The following ETV5 variants were observed in gnomAD, a reference collection of about 807,000 sequenced individuals.
The protein encoded by ETV5 is ETS variant transcription factor 5.
ETV5 carries 10 observed loss-of-function variants against 70.0 expected under a neutral mutation model. That is an observed-to-expected ratio of 0.14 (90% CI 0.09 to 0.24). The LOEUF (loss-of-function observed/expected upper bound fraction) is 0.24. ETV5 is among the 10% of genes least tolerant of loss of function. The pLI is 1.00. For missense variants in ETV5, 453 were observed against 651.2 expected (o/e 0.70, Z 3.31); for synonymous variants, 216 against 242.2 (o/e 0.89, Z 1.01).
chr3:186,103,339 A>G (rs554831930), intron 5 of ETV5, among the ~76,000 whole-genome samples: 4 of 152,292 alleles, frequency 2.6e-5, no homozygotes, highest in Non-Finnish European at 4.4e-5. Flanking sequence ...CCACAGATAA[A>G]TATCTCTCCA....
chr3:186,070,314 C>G (rs1417978641), intron 7 of ETV5, among the ~76,000 whole-genome samples: 1 of 152,236 alleles, frequency 6.6e-6, no homozygotes, highest in Non-Finnish European at 1.5e-5. Flanking sequence ...GCCTCTGCAG[C>G]TGGCAGGCTG....
intron 7 of ETV5, among the ~76,000 whole-genome samples, chr3:186,075,589 A>C (rs763879694): frequency 2.0e-5 from 3 of 152,222 alleles, no homozygotes; most frequent in Non-Finnish European, 2.9e-5. Flanking sequence ...AATCCTCAAT[A>C]ATAACCACCG....
At chr3:186,074,112 GA>G (rs535991849) in intron 7 of ETV5, among the ~76,000 whole-genome samples, 4 of 148,638 alleles carry the variant, frequency 2.7e-5, no homozygotes, top group African/African-American at 4.9e-5. Context: ...CAAGACTAAG[GA>G]AAAAAAAAGG....
At chr3:186,108,772 C>T in intron 1 of ETV5, 168 bp downstream of exon 1, 2 of 620,278 alleles carry the variant, frequency 3.2e-6, no homozygotes, top group South Asian at 2.3e-5. Flanking sequence ...CAAACCGGAC[C>T]GGGCCGCGGG....
chr3:186,084,584 G>A (rs1714012355), intron 5 of ETV5, among the ~76,000 whole-genome samples: 1 of 152,170 alleles, frequency 6.6e-6, no homozygotes, highest in Admixed American at 6.5e-5. Context: ...GCATAACTTA[G>A]TGAGGCATCT....
At chr3:186,064,590 A>T (rs532201152) in intron 8 of ETV5, 114 bp from the exon 9 acceptor site, 2 of 1,028,158 alleles carry the variant, frequency 1.9e-6, no homozygotes, top group South Asian at 1.3e-5. Context: ...CTCTGGGGTC[A>T]TGTCTTTCTG....
At chr3:186,085,468 T>C (rs942834075) in intron 5 of ETV5, among the ~76,000 whole-genome samples, 3 of 151,848 alleles carry the variant, frequency 2.0e-5, no homozygotes, top group African/African-American at 7.3e-5. Flanking sequence ...TTCACCTCCA[T>C]TGTCACAAGC....
chr3:186,053,198 C>T (rs1257871989), intron 11 of ETV5, among the ~76,000 whole-genome samples: 2 of 152,112 alleles, frequency 1.3e-5, no homozygotes, highest in Non-Finnish European at 2.9e-5. Flanking sequence ...GCCTCCCAGG[C>T]TCAAGCGATT....
At chr3:186,107,417 G>A (rs1714613799) in intron 1 of ETV5, among the ~76,000 whole-genome samples, 1 of 152,140 alleles carries the variant, frequency 6.6e-6, no homozygotes, top group East Asian at 1.9e-4. Context: ...GACATTTTGT[G>A]AATGTGTTAG....
chr3:186,068,585 T>C (rs954352075), intron 7 of ETV5, among the ~76,000 whole-genome samples: 1 of 152,216 alleles, frequency 6.6e-6, no homozygotes, highest in Non-Finnish European at 1.5e-5. Context: ...CCTTTCCCTG[T>C]TGGGTGTGCA....
At chr3:186,106,650 A>C (rs1714594873) in intron 1 of ETV5, among the ~76,000 whole-genome samples, 1 of 152,208 alleles carries the variant, frequency 6.6e-6, no homozygotes, top group South Asian at 2.1e-4. Flanking sequence ...AACTAATTCC[A>C]TTGCATGTGG....
rs1251964820 is a variant in ETV5, at chr3:186,047,905, A to G, written c.*734T>C. 18 of 233,704 alleles carry G rather than the reference A, an allele frequency of 7.7e-5. No homozygotes were observed. The South Asian group carries it at 3.1e-3, about 40-fold the overall frequency. The allele number at this position is 233,704 out of a possible 1,614,324, so 14.5% of individuals were successfully genotyped here. A position where few individuals can be genotyped will look rare whatever the true frequency, so the allele number is the denominator to read the frequency against. ...ACAATCCCCCAAATCAGGGCAAAAC[A>G]AAATACTGTCAAAAGTGTTAATCGC... is the stretch of plus-strand genomic sequence containing the variant. On this transcript the variant is annotated 3_prime_UTR_variant, in exon 13 of 13. Coordinates refer to ENST00000306376, the MANE Select transcript of ETV5 (RefSeq NM_004454.3).
intron 7 of ETV5, among the ~76,000 whole-genome samples, chr3:186,071,403 T>C (rs1713630589): frequency 6.6e-6 from 1 of 152,208 alleles, no homozygotes; most frequent in African/African-American, 2.4e-5. Flanking sequence ...AGGCTGTGGC[T>C]GTGAAGTCAG....
At chr3:186,062,492 C>T (rs528790565) in intron 9 of ETV5, among the ~76,000 whole-genome samples, 69 of 152,030 alleles carry the variant, frequency 4.5e-4, no homozygotes, top group East Asian at 2.3e-3. Context: ...CGTGGTGGCG[C>T]GCGCCTGTAA....
At chr3:186,069,519 TTA>T (rs1491438831) in intron 7 of ETV5, among the ~76,000 whole-genome samples, 16 of 129,432 alleles carry the variant, frequency 1.2e-4, no homozygotes, top group South Asian at 1.2e-3. Context: ...TTTTTTTTTT[TTA>T]AAAAAAGTCT....
At chr3:186,092,634 A>G (rs1241041525) in intron 5 of ETV5, among the ~76,000 whole-genome samples, 1 of 151,104 alleles carries the variant, frequency 6.6e-6, no homozygotes, top group East Asian at 1.9e-4. Flanking sequence ...GGGTCTCACT[A>G]TGTTGCCCAG....
chr3:186,108,471 C>A (rs1388461264), intron 1 of ETV5: 2 of 1,265,284 alleles, frequency 1.6e-6, no homozygotes, highest in Non-Finnish European at 2.1e-6. Context: ...GTCATTTACC[C>A]CCTCCCGGTG....
At chr3:186,059,763 T>G (rs1055118104) in intron 9 of ETV5, among the ~76,000 whole-genome samples, 1 of 152,208 alleles carries the variant, frequency 6.6e-6, no homozygotes, top group African/African-American at 2.4e-5. Context: ...AGATTCTAAA[T>G]TCCTTGAGGA....
chr3:186,094,464 A>G (rs933430208), intron 5 of ETV5, among the ~76,000 whole-genome samples: 48 of 152,206 alleles, frequency 3.2e-4, no homozygotes, highest in African/African-American at 1.1e-3. Context: ...CAGATGAACT[A>G]GTTTCAGATT....
Sources: gnomAD v4.1 joint callset for allele counts (sites outside exome capture counted in the v4.1 genomes callset) on GRCh38, gnomAD v4.1.1 for gene constraint, MANE v1.5 for transcripts, NCBI Gene and HGNC (gene_info 2026-07-23, HGNC 2026-07-21) for gene names.